ARID5B: variants seen among roughly 807,000 people sequenced by gnomAD.
ARID5B encodes the protein AT-rich interaction domain 5B.
Under a neutral mutation model 97.2 loss-of-function variants are expected in ARID5B, and 13 were observed. The ratio of observed to expected loss-of-function variants is 0.13; its 90% CI spans 0.09 to 0.21. ARID5B has a LOEUF of 0.21. Ranked by LOEUF, ARID5B falls within the 10% of genes least tolerant of loss-of-function variation. ARID5B has a pLI of 1.00. For missense variants in ARID5B, 1,210 were observed against 1,465.3 expected (o/e 0.83, Z 2.84); for synonymous variants, 556 against 570.3 (o/e 0.97, Z 0.36).
intron 3 of ARID5B, among the ~76,000 whole-genome samples, chr10:61,966,280 A>G (rs1480014395): frequency 1.3e-5 from 2 of 152,186 alleles, no homozygotes; most frequent in African/African-American, 4.8e-5. Context: ...AAAGTTAAAA[A>G]GTGGTGAGGA....
chr10:61,954,498 T>G (rs1838365143), intron 3 of ARID5B, among the ~76,000 whole-genome samples: 1 of 152,200 alleles, frequency 6.6e-6, no homozygotes, highest in Non-Finnish European at 1.5e-5. Flanking sequence ...TAACAGCTGA[T>G]GCTAGTTGGC....
At chr10:62,085,503 A>G (rs919845934) in intron 8 of ARID5B, among the ~76,000 whole-genome samples, 199 bp from the exon 9 acceptor site, 1 of 152,248 alleles carries the variant, frequency 6.6e-6, no homozygotes, top group African/African-American at 2.4e-5. Flanking sequence ...GCTGAGAAGT[A>G]TTAAGTTACC....
At chr10:61,995,643 GA>G (rs373567043) in intron 3 of ARID5B, among the ~76,000 whole-genome samples, 3,095 of 145,960 alleles carry the variant, frequency 0.021, 30 homozygotes, top group Non-Finnish European at 0.026. Context: ...TTGTCTTGAG[GA>G]AAAAAAAAAA....
In ARID5B at chr10:62,057,107, C is replaced by G. The variant is rs777114126; in HGVS notation, c.847-10C>G. ...GCCTCGTCTGATGTGGTATATTTTC[C>G]CTTTTCCAGGTGAAATGTGAGGCCA... On this transcript the variant is annotated splice_polypyrimidine_tract_variant and intron_variant, in intron 5 of 9. Coordinates refer to ENST00000279873, the MANE Select transcript of ARID5B (RefSeq NM_032199.3). 1.2e-5 allele frequency: 19 copies of G among 1,612,984 alleles called. No individual in the cohort carries two copies. Among genetic ancestry groups the G allele is most frequent in the Admixed American group, 1.7e-5 (1 of 59,866 alleles).
intron 3 of ARID5B, among the ~76,000 whole-genome samples, chr10:61,993,630 T>C (rs1312938324): frequency 1.3e-5 from 2 of 152,218 alleles, no homozygotes; most frequent in African/African-American, 4.8e-5. Context: ...AAATTTCATT[T>C]TCAGTAATAA....
intron 3 of ARID5B, among the ~76,000 whole-genome samples, chr10:61,948,985 G>A (rs1169495872): frequency 1.3e-5 from 2 of 152,208 alleles, no homozygotes; most frequent in African/African-American, 4.8e-5. Context: ...AATATTAAGT[G>A]TAGACTAGTA....
intron 3 of ARID5B, among the ~76,000 whole-genome samples, chr10:61,948,380 A>ATTTTTTTTTTTTTTTTTTTTT (rs71470784): frequency 1.2e-5 from 1 of 86,194 alleles, no homozygotes; most frequent in African/African-American, 4.7e-5. Context: ...ACTTTAGGTA[A>ATTTTTTTTTTTTTTTTTTTTT]TTTTTTTTTT....
At chr10:61,948,380 A>ATTTCTTTTT (rs1838271370) in intron 3 of ARID5B, among the ~76,000 whole-genome samples, 1 of 86,222 alleles carries the variant, frequency 1.2e-5, no homozygotes, top group Non-Finnish European at 2.2e-5. Context: ...ACTTTAGGTA[A>ATTTCTTTTT]TTTTTTTTTT....
At chr10:61,935,104 T>C (rs915752930) in intron 2 of ARID5B, among the ~76,000 whole-genome samples, 1 of 151,870 alleles carries the variant, frequency 6.6e-6, no homozygotes, top group Non-Finnish European at 1.5e-5. Context: ...AAATGTGACC[T>C]GGAGACACAA....
chr10:61,929,902 G>A (rs1197340537), intron 2 of ARID5B, among the ~76,000 whole-genome samples: 1 of 152,222 alleles, frequency 6.6e-6, no homozygotes, highest in African/African-American at 2.4e-5. Flanking sequence ...GTTGGGAAGT[G>A]TTAAAGTCTC....
At position 62,093,041 on chromosome 10, in the gene ARID5B, GC is replaced by G; in HGVS notation, c.*14del. ...AGTACAAAACTGTAGGCTCAGCTCT[GC>G]CCAGCAGTCCAAAGCGGCATGGCCA... On this transcript the variant is annotated 3_prime_UTR_variant, in exon 10 of 10. Transcript: ENST00000279873. 1 of 1,594,784 alleles carries G rather than the reference GC, an allele frequency of 6.3e-7. No homozygotes were observed. Among genetic ancestry groups the G allele is most frequent in the African/African-American group, 1.3e-5 (1 of 74,814 alleles).
chr10:62,022,829 A>G (rs1199474017), intron 4 of ARID5B, among the ~76,000 whole-genome samples: 1 of 152,214 alleles, frequency 6.6e-6, no homozygotes, highest in African/African-American at 2.4e-5. Flanking sequence ...AAACAAACCA[A>G]AAAAAATCTC....
intron 2 of ARID5B, among the ~76,000 whole-genome samples, chr10:61,935,758 T>C (rs946829602): frequency 6.6e-6 from 1 of 152,200 alleles, no homozygotes; most frequent in African/African-American, 2.4e-5. Context: ...CAATATAAAC[T>C]CATTATGTAA....
At position 62,073,431 on chromosome 10, in the gene ARID5B, G is replaced by C. The variant is rs573778089; in HGVS notation, c.1199+3634G>C. Among the ~76,000 whole-genome samples the C allele has an allele frequency of 4.3e-4, 65 of 152,322 alleles. 1 individual carries two copies. Among genetic ancestry groups the C allele is most frequent in the Non-Finnish European group, 8.2e-4 (56 of 68,024 alleles). ...TAATGAGTGCAATAATGAAAGTGTG[G>C]GTTGTTGAAAAGAATCAATGGGTGT... On this transcript the variant is annotated intron_variant, in intron 8 of 9. Coordinates refer to ENST00000279873, the MANE Select transcript of ARID5B (RefSeq NM_032199.3).
At chr10:62,029,554 G>A (rs189547487) in intron 4 of ARID5B, among the ~76,000 whole-genome samples, 3 of 152,288 alleles carry the variant, frequency 2.0e-5, no homozygotes, top group Admixed American at 6.5e-5. Context: ...CTTATTATGT[G>A]CCAGGCACTG....
At chr10:62,001,350 A>C (rs903374945) in intron 4 of ARID5B, among the ~76,000 whole-genome samples, 2 of 152,174 alleles carry the variant, frequency 1.3e-5, no homozygotes, top group African/African-American at 4.8e-5. Context: ...TGAATCCCTC[A>C]TGGCTACCTG....
chr10:61,975,974 G>A (rs1156914839), intron 3 of ARID5B, among the ~76,000 whole-genome samples: 1 of 152,162 alleles, frequency 6.6e-6, no homozygotes, highest in Non-Finnish European at 1.5e-5. Flanking sequence ...CATGTTTAGA[G>A]AGGAAGAATC....
intron 2 of ARID5B, among the ~76,000 whole-genome samples, chr10:61,929,530 T>C (rs984970755): frequency 3.3e-5 from 5 of 152,218 alleles, no homozygotes; most frequent in Non-Finnish European, 7.4e-5. Flanking sequence ...TAACAGAGAC[T>C]CGTATATTAT....
chr10:62,083,118 T>G (rs1042107530), intron 8 of ARID5B, among the ~76,000 whole-genome samples: 1 of 151,804 alleles, frequency 6.6e-6, no homozygotes. Flanking sequence ...CTTGAACAAG[T>G]AGGGCTTGTG....
Sources: allele counts gnomAD v4.1 joint callset (sites outside exome capture counted in the v4.1 genomes callset), GRCh38; gene constraint gnomAD v4.1.1; transcripts MANE v1.5; gene names NCBI Gene and HGNC (gene_info 2026-07-23, HGNC 2026-07-21).